The following SMAD6 variants were observed in gnomAD, a reference collection of about 807,000 sequenced individuals.
SMAD6 encodes the protein SMAD family member 6, also known as MAD homolog 6.
Under a neutral mutation model 39.4 loss-of-function variants are expected in SMAD6, and 103 were observed. The observed-to-expected ratio is 2.62, with a 90% CI of 2.23 to 3.08. The LOEUF (loss-of-function observed/expected upper bound fraction) is 3.08, where lower values mean the gene tolerates loss of function less well. Ranked by LOEUF, SMAD6 falls within the 30% of genes most tolerant of loss-of-function variation. SMAD6 has a pLI of 0.00. For synonymous variants in SMAD6, 445 were observed against 353.3 expected (o/e 1.26, Z -2.91); for missense variants, 1,104 against 742.9 (o/e 1.49, Z -5.65).
Position 66,703,382 on chromosome 15 carries a change from C to T in SMAD6, c.124C>T (p.Arg42Ter), listed in dbSNP as rs1447391811. The T allele has an allele frequency of 3.5e-6, 5 of 1,435,440 alleles. No individual in the cohort carries two copies. The highest frequency in any genetic ancestry group is 1.5e-5 in the South Asian group (1 of 68,784). The allele number at this position is 1,435,440 out of a possible 1,614,324, so 88.9% of individuals were successfully genotyped here. A position where few individuals can be genotyped will look rare whatever the true frequency, so the allele number is the denominator to read the frequency against. The change falls in exon 1 of 4, where the codon CGA becomes TGA. Residue 42 changes from arginine (R) to a stop codon, truncating the protein, a stop_gained. Transcript: ENST00000288840. LOFTEE classifies it high-confidence loss of function. Reference protein sequence around the residue: ...GGDEDGSLGSRAEPAPRAREG... With the variant: ...GGDEDGSLGS Reference sequence around the variant, plus strand: ...CGACGAGGATGGGAGCTTGGGCAGCCGAGCTGAGCCGGCCCCGCGGGCAAG... The same window carrying T: ...CGACGAGGATGGGAGCTTGGGCAGCTGAGCTGAGCCGGCCCCGCGGGCAAG...
Position 66,781,156 on chromosome 15 carries a change from T to TCAACCTG in SMAD6, c.1113_1119dup (p.Glu374GlnfsTer193). 1 of 1,608,254 alleles carries TCAACCTG rather than the reference T, an allele frequency of 6.2e-7. No individual in the cohort carries two copies. Among genetic ancestry groups the TCAACCTG allele is most frequent in the Non-Finnish European group, 8.5e-7 (1 of 1,179,744 alleles). ...GGCAGCGGCTTCTGCCTGGGCCAGC[T>TCAACCTG]CAACCTGGAGCAGCGCAGCGAGTCG... is the stretch of plus-strand genomic sequence containing the variant. On this transcript the variant is annotated frameshift_variant, in exon 4 of 4. Transcript: ENST00000288840. LOFTEE classifies it high-confidence loss of function.
At position 66,781,265 on chromosome 15, in the gene SMAD6, G is replaced by GCACC. The variant is rs1441285101; in HGVS notation, c.1223_1226dup (p.Ile410ProfsTer156). ...GCGTGTGGGCCTACAACCGCGGCGAGCACCCCATCTTCGTCAACTCCCCGA... is the reference window on the plus strand; with the variant it reads ...GCGTGTGGGCCTACAACCGCGGCGAGCACCCACCCCATCTTCGTCAACTCCCCGA... On this transcript the variant is annotated frameshift_variant, in exon 4 of 4. Transcript: ENST00000288840. LOFTEE classifies it high-confidence loss of function. 1 of 1,607,674 alleles carries GCACC rather than the reference G, an allele frequency of 6.2e-7. No homozygotes were observed. Among genetic ancestry groups the GCACC allele is most frequent in the Non-Finnish European group, 8.5e-7 (1 of 1,179,076 alleles).
Position 66,703,705 on chromosome 15 carries a change from C to T in SMAD6, c.447C>T (p.Ala149=), listed in dbSNP as rs181184476. The change falls in exon 1 of 4, where the codon GCC becomes GCT. Residue 149 remains alanine (A), a synonymous_variant. Transcript: ENST00000288840. ...RDASDPLAGA[A]LEPAGGGRSR... Reference sequence around the variant, plus strand: ...CCAGCGACCCCCTGGCCGGGGCGGCCCTGGAGCCGGCGGGCGGCGGGCGGA... The same window carrying T: ...CCAGCGACCCCCTGGCCGGGGCGGCTCTGGAGCCGGCGGGCGGCGGGCGGA... The T allele has an allele frequency of 5.3e-4, 708 of 1,342,790 alleles. 14 individuals carry two copies. The East Asian group carries it at 0.023, about 43-fold the overall frequency. 83.2% of individuals were successfully genotyped at this position (1,342,790 alleles called of 1,614,324 possible).
At chr15:66,713,795 A>C (rs1170657386) in intron 2 of SMAD6, among the ~76,000 whole-genome samples, 1 of 152,188 alleles carries the variant, frequency 6.6e-6, no homozygotes, top group Admixed American at 6.5e-5. Flanking sequence ...CCACCAAACC[A>C]TGGTGGCCAC....
chr15:66,747,860 C>T lies in SMAD6; in HGVS notation c.952+31362C>T, dbSNP rs1893933163. Reference sequence around the variant, plus strand: ...CAGCCATCTGTCCCTCGTAGGAACCCTTAATCCTTCCCATTCTCACCCCTG... The same window carrying T: ...CAGCCATCTGTCCCTCGTAGGAACCTTTAATCCTTCCCATTCTCACCCCTG... On this transcript the variant is annotated intron_variant, in intron 3 of 3. Coordinates refer to ENST00000288840, the MANE Select transcript of SMAD6 (RefSeq NM_005585.5). This position sits in a 1 kb window ranked among gnomAD's most constrained non-coding sequence, Gnocchi z 4.5. Among the ~76,000 whole-genome samples, 2 of 152,146 alleles carry T rather than the reference C, an allele frequency of 1.3e-5. No homozygotes were observed. Among genetic ancestry groups the T allele is most frequent in the Non-Finnish European group, 2.9e-5 (2 of 68,018 alleles).
At chr15:66,774,549 C>T (rs536638420) in intron 3 of SMAD6, among the ~76,000 whole-genome samples, 2 of 152,290 alleles carry the variant, frequency 1.3e-5, no homozygotes, top group Admixed American at 1.3e-4. Context: ...TGGGTGCCAC[C>T]GGGAGGGAAC....
chr15:66,757,625 C>T (rs978136255), intron 3 of SMAD6, among the ~76,000 whole-genome samples: 1 of 152,140 alleles, frequency 6.6e-6, no homozygotes, highest in Non-Finnish European at 1.5e-5. Flanking sequence ...TCTTGGAGGT[C>T]CTGCTTAGCT....
In SMAD6 at chr15:66,760,364, G is replaced by C. The variant is rs1894176559; in HGVS notation, c.953-20633G>C. ...AGAGAAGGGAAGGAAGGCAGCATGG[G>C]GGGAAGACTCCCTGCGTGCCAGAGC... On this transcript the variant is annotated intron_variant, in intron 3 of 3. Coordinates refer to ENST00000288840, the MANE Select transcript of SMAD6 (RefSeq NM_005585.5). Among the ~76,000 whole-genome samples, 6 of 152,196 alleles carry C rather than the reference G, an allele frequency of 3.9e-5. No homozygotes were observed. The South Asian group carries it at 1.2e-3, about 32-fold the overall frequency.
chr15:66,781,458 T>G lies in SMAD6; in HGVS notation c.1414T>G (p.Trp472Gly). Residue 472 changes from tryptophan to glycine, a missense_variant, in exon 4 of 4, where the codon TGG becomes GGG. Physicochemically the swap from Trp to Gly is radical, Grantham distance 184. Coordinates refer to ENST00000288840, the MANE Select transcript of SMAD6 (RefSeq NM_005585.5). ...CGTCCGCATCAGCTTCGCCAAGGGC[T>G]GGGGGCCCTGCTACTCCCGGCAGTT... ...NSVRISFAKG[W>G]GPCYSRQFIT... 6.2e-7 allele frequency: 1 copy of G among 1,603,556 alleles called. No individual in the cohort carries two copies. The highest frequency in any genetic ancestry group is 8.5e-7 in the Non-Finnish European group (1 of 1,177,366).
At chr15:66,716,290 G>A (rs1334245424) in intron 2 of SMAD6, 131 bp from the exon 3 acceptor site, 8 of 687,298 alleles carry the variant, frequency 1.2e-5, no homozygotes. Flanking sequence ...CAGAAAGTTG[G>A]GAGGGACATG....
At chr15:66,716,562 G>C (rs1195964635) in intron 3 of SMAD6, 64 bp downstream of exon 3, 2 of 1,198,990 alleles carry the variant, frequency 1.7e-6, no homozygotes, top group Non-Finnish European at 2.5e-6. Context: ...AGCTGCGGAG[G>C]GGGCTTGGTG....
Position 66,716,425 on chromosome 15 carries a change from G to T in SMAD6, c.879G>T (p.Leu293=). Residue 293 remains leucine (L), a synonymous_variant, in exon 3 of 4, where the codon CTG becomes CTT. Coordinates refer to ENST00000288840, the MANE Select transcript of SMAD6 (RefSeq NM_005585.5). ...TCTTTTTCTTTCCTCCCACAGATCT[G>T]TCCGATTCCACATTGTCTTACACTG... ...SPRDEYKPLD[L]SDSTLSYTET... 1 of 1,612,342 alleles carries T rather than the reference G, an allele frequency of 6.2e-7. No homozygotes were observed. The highest frequency in any genetic ancestry group is 8.5e-7 in the Non-Finnish European group (1 of 1,178,324).
At chr15:66,704,098 G>T in intron 1 of SMAD6, 23 bp downstream of exon 1, 1 of 1,417,592 alleles carries the variant, frequency 7.1e-7, no homozygotes. Flanking sequence ...CGCCGGCCGG[G>T]GGGGCCCCGG....
rs941142903 is a variant in SMAD6, at chr15:66,781,621, G to T, written c.*86G>T. 18 of 987,790 alleles carry T rather than the reference G, an allele frequency of 1.8e-5. No individual in the cohort carries two copies. Among genetic ancestry groups the T allele is most frequent in the Admixed American group, 3.3e-5 (1 of 29,978 alleles). 61.2% of individuals were successfully genotyped at this position (987,790 alleles called of 1,614,324 possible). Reference sequence around the variant, plus strand: ...AGAGGGGCCGATGCCCAGAGACACAGCCCCCACGGACAAAACCCCCCAGAT... The same window carrying T: ...AGAGGGGCCGATGCCCAGAGACACATCCCCCACGGACAAAACCCCCCAGAT... On this transcript the variant is annotated 3_prime_UTR_variant, in exon 4 of 4. Transcript: ENST00000288840.
At chr15:66,709,051 G>A (rs1893177566) in intron 1 of SMAD6, among the ~76,000 whole-genome samples, 1 of 152,206 alleles carries the variant, frequency 6.6e-6, no homozygotes, top group Non-Finnish European at 1.5e-5. Flanking sequence ...TGGGACCTTA[G>A]TTTCATATCA....
rs1893040158 is a variant in SMAD6, at chr15:66,703,827, C to T, written c.569C>T (p.Thr190Met). The change falls in exon 1 of 4, where the codon ACG becomes ATG. Residue 190 changes from threonine (T) to methionine (M), a missense_variant. By Grantham distance (81) the Thr-to-Met change is moderately conservative (BLOSUM62 -1). Coordinates refer to ENST00000288840, the MANE Select transcript of SMAD6 (RefSeq NM_005585.5). ...CGGCTCAAGGAGCGCTCGCTGGACA[C>T]GCTGCTGGAGGCGGTGGAGTCCCGC... ...LKRLKERSLD[T>M]LLEAVESRGG... is the part of the protein sequence containing the mutation. 1.4e-6 allele frequency: 2 copies of T among 1,417,598 alleles called. No homozygotes were observed. The highest frequency in any genetic ancestry group is 9.3e-7 in the Non-Finnish European group (1 of 1,074,558). The allele number at this position is 1,417,598 out of a possible 1,614,324, so 87.8% of individuals were successfully genotyped here. A position where few individuals can be genotyped will look rare whatever the true frequency, so the allele number is the denominator to read the frequency against.
At chr15:66,761,864 A>G (rs1437819393) in intron 3 of SMAD6, among the ~76,000 whole-genome samples, 3 of 152,086 alleles carry the variant, frequency 2.0e-5, no homozygotes, top group Non-Finnish European at 2.9e-5. Flanking sequence ...CAGAGCTTTT[A>G]CCAACCCAAG....
chr15:66,781,216 TC>T lies in SMAD6; in HGVS notation c.1174del (p.Leu392CysfsTer147). The T allele has an allele frequency of 6.2e-7, 1 of 1,608,738 alleles. No homozygotes were observed. Among genetic ancestry groups the T allele is most frequent in the Non-Finnish European group, 8.5e-7 (1 of 1,179,726 alleles). ...RRTRSKIGFG[I>X]LLSKEPDGVW... ...ACGCGCAGCAAGATCGGCTTCGGCA[TC>T]CTGCTCAGCAAGGAGCCCGACGGCG... On this transcript the variant is annotated frameshift_variant, in exon 4 of 4. Transcript: ENST00000288840. LOFTEE classifies it high-confidence loss of function.
In SMAD6 at chr15:66,728,223, CAT is replaced by C. The variant is rs1893557289; in HGVS notation, c.952+11726_952+11727del. ...GACCATGACCTCAAAAGCCCCCTCTCATGTCCCCTTTCAGCCACTCCTCACTC... is the reference window on the plus strand; with the variant it reads ...GACCATGACCTCAAAAGCCCCCTCTCGTCCCCTTTCAGCCACTCCTCACTC... On this transcript the variant is annotated intron_variant, in intron 3 of 3. Transcript: ENST00000288840. Among the ~76,000 whole-genome samples the C allele has an allele frequency of 1.8e-4, 27 of 152,292 alleles. 1 individual carries two copies. In the South Asian group the frequency reaches 5.4e-3, roughly 30 times the overall value.
Sources: gnomAD v4.1 joint callset for allele counts (sites outside exome capture counted in the v4.1 genomes callset) on GRCh38, gnomAD v4.1.1 for gene constraint, Gnocchi (gnomAD v3.1) non-coding constraint, MANE v1.5 for transcripts, NCBI Gene and HGNC (gene_info 2026-07-23, HGNC 2026-07-21) for gene names.